VSTM2L: variants seen among roughly 807,000 people sequenced by gnomAD.
The protein encoded by VSTM2L is V-set and transmembrane domain-containing protein 2-like protein.
A neutral mutation model predicts 19.9 loss-of-function variants in VSTM2L; 9 were observed. The ratio of observed to expected loss-of-function variants is 0.45; its 90% CI spans 0.27 to 0.79. The LOEUF (loss-of-function observed/expected upper bound fraction) is 0.79, where lower values mean the gene tolerates loss of function less well. Among genes scored for constraint, VSTM2L ranks in the 30% least tolerant of loss-of-function variants. The pLI is 0.15. For synonymous variants in VSTM2L, 127 were observed against 133.8 expected, an observed-to-expected ratio of 0.95 and a Z score of 0.35; for missense variants, 286 against 295.5, an observed-to-expected ratio of 0.97 and a Z score of 0.24.
intron 3 of VSTM2L, among the ~76,000 whole-genome samples, chr20:37,942,632 C>T (rs1298329101): frequency 1.3e-5 from 2 of 152,174 alleles, no homozygotes; most frequent in Non-Finnish European, 1.5e-5. Flanking sequence ...AGTCAGAAAG[C>T]GGGGGACCCC....
chr20:37,942,954 G>T (rs1318926559), intron 3 of VSTM2L, among the ~76,000 whole-genome samples: 2 of 152,150 alleles, frequency 1.3e-5, no homozygotes, highest in African/African-American at 4.8e-5. Flanking sequence ...TTTTTATTAT[G>T]TTATTTTATT....
chr20:37,945,282 T>G lies in VSTM2L; in HGVS notation c.*1029T>G. 1 of 985,154 alleles carries G rather than the reference T, an allele frequency of 1.0e-6. No individual in the cohort carries two copies. Among genetic ancestry groups the G allele is most frequent in the Non-Finnish European group, 1.2e-6 (1 of 829,872 alleles). 61.0% of individuals were successfully genotyped at this position (985,154 alleles called of 1,614,324 possible). On this transcript the variant is annotated 3_prime_UTR_variant, in exon 4 of 4. Transcript: ENST00000373461. ...AGAGGCCGAGGGCTTTGCCTAGGGG[T>G]GGGTTGCCCTGTATACATGATCCAG...
At chr20:37,941,652 C>T (rs2122980526) in intron 3 of VSTM2L, among the ~76,000 whole-genome samples, 1 of 152,260 alleles carries the variant, frequency 6.6e-6, no homozygotes, top group East Asian at 1.9e-4. Context: ...CAGGAACAGG[C>T]CAGCTCGTTG....
chr20:37,905,747 C>T (rs2072748392), intron 1 of VSTM2L, among the ~76,000 whole-genome samples: 1 of 152,194 alleles, frequency 6.6e-6, no homozygotes, highest in Non-Finnish European at 1.5e-5. Flanking sequence ...GGAGCCCCCA[C>T]AGCTGCCCCT....
intron 1 of VSTM2L, among the ~76,000 whole-genome samples, chr20:37,914,205 A>ATGTG (rs962479434): frequency 6.8e-6 from 1 of 146,156 alleles, no homozygotes; most frequent in African/African-American, 2.5e-5. Flanking sequence ...GTGTGCATGT[A>ATGTG]TGTGTGTGTA....
At chr20:37,909,482 G>A (rs534781742) in intron 1 of VSTM2L, among the ~76,000 whole-genome samples, 229 of 152,330 alleles carry the variant, frequency 1.5e-3, no homozygotes, top group African/African-American at 5.3e-3. Flanking sequence ...AATGGATGAC[G>A]AGGAGGACGA....
intron 1 of VSTM2L, among the ~76,000 whole-genome samples, chr20:37,904,063 T>G (rs2072737766): frequency 6.6e-6 from 1 of 152,206 alleles, no homozygotes; most frequent in African/African-American, 2.4e-5. Flanking sequence ...GAGGCCCTTG[T>G]CCTCTTCCTC....
At chr20:37,907,616 C>T (rs992233316) in intron 1 of VSTM2L, among the ~76,000 whole-genome samples, 8 of 152,106 alleles carry the variant, frequency 5.3e-5, no homozygotes, top group Non-Finnish European at 7.4e-5. Flanking sequence ...AGAAGCCTCA[C>T]ACTGCAGCAG....
intron 1 of VSTM2L, among the ~76,000 whole-genome samples, chr20:37,914,571 C>G (rs2072806134): frequency 6.6e-6 from 1 of 151,636 alleles, no homozygotes; most frequent in Non-Finnish European, 1.5e-5. Flanking sequence ...CCTTCCAGAC[C>G]TTTTCTCTCC....
At chr20:37,933,243 G>T (rs1316248780) in intron 2 of VSTM2L, among the ~76,000 whole-genome samples, 1 of 152,214 alleles carries the variant, frequency 6.6e-6, no homozygotes, top group African/African-American at 2.4e-5. Flanking sequence ...ATTTCTGCCT[G>T]TTCACACTCC....
rs772759481 is a variant in VSTM2L, at chr20:37,944,139, G to A, written c.501G>A (p.Glu167=). Residue 167 remains glutamate, a synonymous_variant, in exon 4 of 4, where the codon GAG becomes GAA. Coordinates refer to ENST00000373461, the MANE Select transcript of VSTM2L (RefSeq NM_080607.3). ...CCTACCTGCGGGTGCAGCCAGGGGA[G>A]AACTCCGTCCTGCATCTGCCCGAAG... The part of the protein sequence containing the change: ...VKAYLRVQPG[E]NSVLHLPEAP... The A allele has an allele frequency of 6.2e-7, 1 of 1,608,498 alleles. No homozygotes were observed.
rs74340066 is a variant in VSTM2L at position 37,911,949 on chromosome 20, G to A, written c.121+8478G>A. Among the ~76,000 whole-genome samples, 89 of 152,292 alleles carry A rather than the reference G, an allele frequency of 5.8e-4. 1 individual carries two copies. In the East Asian group the frequency reaches 0.016, roughly 27 times the overall value. On this transcript the variant is annotated intron_variant, in intron 1 of 3. Transcript: ENST00000373461. ...GCGGGTGAGGATGGAGCTGGTGGGA[G>A]TGGTAGGATTCCATCAGCACCTTAA...
Position 37,944,662 on chromosome 20 carries a change from G to A in VSTM2L, c.*409G>A. The A allele has an allele frequency of 9.9e-7, 1 of 1,005,516 alleles. No individual in the cohort carries two copies. 62.3% of individuals were successfully genotyped at this position (1,005,516 alleles called of 1,614,324 possible). On this transcript the variant is annotated 3_prime_UTR_variant, in exon 4 of 4. Transcript: ENST00000373461. ...TCCCTCCTCCTACCATCCCTCACTT[G>A]GACCTGGGGGTGTGGACAGTGACCC...
chr20:37,906,632 G>C (rs2072753549), intron 1 of VSTM2L, among the ~76,000 whole-genome samples: 3 of 152,234 alleles, frequency 2.0e-5, no homozygotes, highest in African/African-American at 7.2e-5. Flanking sequence ...AGGGTGCTGA[G>C]TCTGTACAGA....
chr20:37,935,884 A>ATTTT (rs11086387), intron 3 of VSTM2L, among the ~76,000 whole-genome samples: 1 of 138,300 alleles, frequency 7.2e-6, no homozygotes, highest in Non-Finnish European at 1.5e-5. Context: ...CCATACACAG[A>ATTTT]TTTTTTTTTT....
At chr20:37,935,608 C>A (rs573045287) in intron 3 of VSTM2L, among the ~76,000 whole-genome samples, 1 of 152,280 alleles carries the variant, frequency 6.6e-6, no homozygotes, top group East Asian at 1.9e-4. Context: ...CTTGGGGAAG[C>A]GTCCCTTGAA....
At chr20:37,937,984 C>T (rs952615366) in intron 3 of VSTM2L, among the ~76,000 whole-genome samples, 1 of 152,150 alleles carries the variant, frequency 6.6e-6, no homozygotes, top group African/African-American at 2.4e-5. Flanking sequence ...GGGATGAGAC[C>T]TCAAAGGGCC....
At chr20:37,935,263 G>A (rs958681677) in intron 3 of VSTM2L, among the ~76,000 whole-genome samples, 4 of 152,210 alleles carry the variant, frequency 2.6e-5, no homozygotes, top group Admixed American at 6.5e-5. Context: ...TGCAGCAGCT[G>A]GGGCTCCGAG....
At chr20:37,928,190 C>G (rs1459436861) in intron 1 of VSTM2L, among the ~76,000 whole-genome samples, 1 of 152,128 alleles carries the variant, frequency 6.6e-6, no homozygotes, top group African/African-American at 2.4e-5. Flanking sequence ...GCCCCTGGTG[C>G]CCTGGTGCCC....
Sources: gnomAD v4.1 joint callset for allele counts (sites outside exome capture counted in the v4.1 genomes callset) on GRCh38, gnomAD v4.1.1 for gene constraint, MANE v1.5 for transcripts, NCBI Gene and HGNC (gene_info 2026-07-23, HGNC 2026-07-21) for gene names.